GRID2: variants seen among roughly 807,000 people sequenced by gnomAD.
GRID2 encodes glutamate ionotropic receptor delta type subunit 2.
A neutral mutation model predicts 114.8 loss-of-function variants in GRID2; 33 were observed. That is an observed-to-expected ratio of 0.29 (90% CI 0.22 to 0.38). The LOEUF is 0.38. GRID2 is among the 10% of genes least tolerant of loss of function. The probability of loss-of-function intolerance (pLI) is 1.00; values close to 1 mark genes in which losing one functional copy is unlikely to be tolerated. For synonymous variants in GRID2, 505 were observed against 449.9 expected, an observed-to-expected ratio of 1.12 and a Z score of -1.55; for missense variants, 1,184 against 1,257.7, an observed-to-expected ratio of 0.94 and a Z score of 0.89.
intron 1 of GRID2, among the ~76,000 whole-genome samples, chr4:92,344,183 C>T (rs777942668): frequency 3.3e-5 from 5 of 152,136 alleles, no homozygotes; most frequent in African/African-American, 9.6e-5. Flanking sequence ...TGAAGCCAGG[C>T]GACTGAGCTG....
At chr4:93,169,752 C>T (rs1432382301) in intron 4 of GRID2, among the ~76,000 whole-genome samples, 1 of 152,178 alleles carries the variant, frequency 6.6e-6, no homozygotes, top group African/African-American at 2.4e-5. Context: ...GCTTCTCATA[C>T]ATTCTCAAAC....
intron 2 of GRID2, among the ~76,000 whole-genome samples, chr4:92,984,046 C>A (rs1754368734): frequency 6.6e-6 from 1 of 152,144 alleles, no homozygotes; most frequent in African/African-American, 2.4e-5. Flanking sequence ...AAATAAGAAA[C>A]TTCAATTTGA....
chr4:92,762,591 A>G (rs1002502298), intron 2 of GRID2, among the ~76,000 whole-genome samples: 1 of 152,192 alleles, frequency 6.6e-6, no homozygotes, highest in Non-Finnish European at 1.5e-5. Context: ...ATGAAATATG[A>G]TACCATAAAC....
intron 2 of GRID2, among the ~76,000 whole-genome samples, chr4:92,645,011 T>G (rs1449409458): frequency 6.6e-6 from 1 of 151,552 alleles, no homozygotes; most frequent in African/African-American, 2.4e-5. Flanking sequence ...CTTATAAATA[T>G]TTTAGATCTA....
chr4:92,612,288 T>C lies in GRID2; in HGVS notation c.244+22002T>C, dbSNP rs144794492. ...TGTTGACCATGAATATAGGAGTCTATTTCAGAATACTCGTGTCTTCCATTG... is the reference window on the plus strand; with the variant it reads ...TGTTGACCATGAATATAGGAGTCTACTTCAGAATACTCGTGTCTTCCATTG... On this transcript the variant is annotated intron_variant, in intron 2 of 15. Coordinates refer to ENST00000282020, the MANE Select transcript of GRID2 (RefSeq NM_001510.4). 9.9e-4 allele frequency among the ~76,000 whole-genome samples: 150 copies of C among 151,652 alleles called. 1 individual carries two copies. Among genetic ancestry groups the C allele is most frequent in the Middle Eastern group, 3.4e-3 (1 of 294 alleles).
At chr4:93,321,191 G>A (rs2149208841) in intron 8 of GRID2, among the ~76,000 whole-genome samples, 2 of 152,098 alleles carry the variant, frequency 1.3e-5, no homozygotes, top group East Asian at 1.9e-4. Flanking sequence ...CTTGGCAGCT[G>A]GGAGAATAAG....
chr4:92,871,160 C>T (rs936176748), intron 2 of GRID2, among the ~76,000 whole-genome samples: 2 of 151,870 alleles, frequency 1.3e-5, no homozygotes, highest in African/African-American at 2.4e-5. Flanking sequence ...CCTGGAGTTG[C>T]GATGCCTGGT....
chr4:92,699,343 A>T (rs1451241731), intron 2 of GRID2, among the ~76,000 whole-genome samples: 2 of 152,140 alleles, frequency 1.3e-5, no homozygotes, highest in Non-Finnish European at 2.9e-5. Flanking sequence ...GTGAGTGCAA[A>T]AGGGCAGTTA....
At chr4:92,891,622 A>G (rs1439405857) in intron 2 of GRID2, among the ~76,000 whole-genome samples, 5 of 152,160 alleles carry the variant, frequency 3.3e-5, no homozygotes, top group African/African-American at 1.2e-4. Context: ...TTCTATTTTA[A>G]TGAGCTAGGT....
chr4:93,608,733 C>T (rs1282593277), intron 13 of GRID2, among the ~76,000 whole-genome samples: 1 of 136,132 alleles, frequency 7.3e-6, no homozygotes, highest in East Asian at 2.0e-4. Context: ...TGGGTTGGTT[C>T]CAAGTCTTTG....
intron 1 of GRID2, among the ~76,000 whole-genome samples, chr4:92,442,548 C>G (rs983300896): frequency 3.0e-4 from 46 of 152,000 alleles, no homozygotes; most frequent in Non-Finnish European, 5.9e-4. Context: ...GGAATTGCAA[C>G]TTTTTTCTAT....
At chr4:93,062,163 G>C (rs1333992568) in intron 2 of GRID2, among the ~76,000 whole-genome samples, 1 of 152,066 alleles carries the variant, frequency 6.6e-6, no homozygotes, top group Non-Finnish European at 1.5e-5. Context: ...AAAGGGATTT[G>C]AGCTTAAGGT....
chr4:93,707,090 G>T (rs1158709159), intron 14 of GRID2, among the ~76,000 whole-genome samples: 1 of 152,008 alleles, frequency 6.6e-6, no homozygotes, highest in African/African-American at 2.4e-5. Context: ...TTAATGTGTT[G>T]TTGAACTCAG....
At chr4:92,690,949 A>C (rs1405469504) in intron 2 of GRID2, among the ~76,000 whole-genome samples, 2 of 152,066 alleles carry the variant, frequency 1.3e-5, no homozygotes, top group African/African-American at 4.8e-5. Flanking sequence ...AGTTGGAAGG[A>C]GAGTTAGTTT....
intron 2 of GRID2, among the ~76,000 whole-genome samples, chr4:92,724,183 C>T (rs150761378): frequency 1.3e-5 from 2 of 152,048 alleles, no homozygotes; most frequent in Admixed American, 6.6e-5. Flanking sequence ...AAGGCGGTAC[C>T]TTCTGCTGCC....
At chr4:93,238,950 A>G (rs1345531108) in intron 8 of GRID2, among the ~76,000 whole-genome samples, 1 of 151,220 alleles carries the variant, frequency 6.6e-6, no homozygotes, top group Admixed American at 6.6e-5. Context: ...TATGTAGAAA[A>G]TAGTTTGCAG....
At chr4:93,410,774 G>A (rs1767044602) in intron 9 of GRID2, among the ~76,000 whole-genome samples, 1 of 152,164 alleles carries the variant, frequency 6.6e-6, no homozygotes, top group Non-Finnish European at 1.5e-5. Context: ...GTAGAGACAG[G>A]GTTTTGCCAT....
intron 1 of GRID2, among the ~76,000 whole-genome samples, chr4:92,519,185 C>T (rs561246373): frequency 1.3e-5 from 2 of 151,796 alleles, no homozygotes; most frequent in South Asian, 4.2e-4. Context: ...TCAATGGCAG[C>T]ATAGGATGGC....
At chr4:93,172,225 G>C (rs1277654883) in intron 4 of GRID2, among the ~76,000 whole-genome samples, 2 of 152,150 alleles carry the variant, frequency 1.3e-5, no homozygotes, top group Admixed American at 1.3e-4. Flanking sequence ...GCTAATGTCT[G>C]ATATTCTATT....
Sources: gnomAD v4.1 joint callset for allele counts (sites outside exome capture counted in the v4.1 genomes callset) on GRCh38, gnomAD v4.1.1 for gene constraint, MANE v1.5 for transcripts, NCBI Gene and HGNC (gene_info 2026-07-23, HGNC 2026-07-21) for gene names.